Variants in GALNTL6 observed in about 807,000 individuals in gnomAD.
The protein encoded by GALNTL6 is polypeptide N-acetylgalactosaminyltransferase-like 6.
Under a neutral mutation model 73.7 loss-of-function variants are expected in GALNTL6, and 46 were observed. The observed-to-expected ratio is 0.62, with a 90% CI of 0.49 to 0.80. The LOEUF is 0.80. Ranked by LOEUF, GALNTL6 falls within the 30% of genes least tolerant of loss-of-function variation. GALNTL6 has a pLI of 0.00. For synonymous variants in GALNTL6, 259 were observed against 263.7 expected (o/e 0.98, Z 0.17); for missense variants, 604 against 755.0 (o/e 0.80, Z 2.34).
In GALNTL6 at chr4:172,450,047, G is replaced by T. The variant is rs545744555; in HGVS notation, c.553+101358G>T. Among the ~76,000 whole-genome samples the T allele has an allele frequency of 3.3e-5, 5 of 151,950 alleles. No homozygotes were observed. The South Asian group carries it at 8.3e-4, about 25-fold the overall frequency. On this transcript the variant is annotated intron_variant, in intron 5 of 12. Coordinates refer to ENST00000506823, the MANE Select transcript of GALNTL6 (RefSeq NM_001034845.3). ...AACCTGACGAACATGGAGAAACCCT[G>T]TCTCTACTGAAAATACAAAATTAGC...
chr4:172,264,555 AATATAT>A (rs201920170), intron 3 of GALNTL6, among the ~76,000 whole-genome samples: 1,376 of 103,708 alleles, frequency 0.013, 24 homozygotes, highest in South Asian at 0.027. Context: ...ATATATGCCA[AATATAT>A]ATATATATAT....
chr4:172,598,309 G>T (rs1464463845), intron 5 of GALNTL6, among the ~76,000 whole-genome samples: 2 of 152,004 alleles, frequency 1.3e-5, no homozygotes, highest in Non-Finnish European at 2.9e-5. Context: ...TTCTTTAGAA[G>T]TTTGAGGCGA....
chr4:172,568,110 CA>C (rs1415675669), intron 5 of GALNTL6, among the ~76,000 whole-genome samples: 1 of 152,074 alleles, frequency 6.6e-6, no homozygotes, highest in Non-Finnish European at 1.5e-5. Context: ...ATTTTCTGTG[CA>C]TTTTTTGCTC....
At chr4:172,625,401 G>T (rs1739127991) in intron 5 of GALNTL6, among the ~76,000 whole-genome samples, 1 of 151,980 alleles carries the variant, frequency 6.6e-6, no homozygotes, top group South Asian at 2.1e-4. Flanking sequence ...AGTATTCCAT[G>T]CTGTGTATGT....
At chr4:171,872,692 C>T (rs541162293) in intron 2 of GALNTL6, among the ~76,000 whole-genome samples, 2 of 152,134 alleles carry the variant, frequency 1.3e-5, no homozygotes, top group Non-Finnish European at 2.9e-5. Context: ...TATTGTTCTC[C>T]ATCTGTGTGT....
At chr4:173,016,200 C>T (rs902504501) in intron 11 of GALNTL6, among the ~76,000 whole-genome samples, 3 of 152,228 alleles carry the variant, frequency 2.0e-5, no homozygotes, top group Non-Finnish European at 4.4e-5. Flanking sequence ...TCTTGGAGAA[C>T]CTCTGCTAGG....
chr4:172,443,801 A>G (rs554233023), intron 5 of GALNTL6, among the ~76,000 whole-genome samples: 2 of 152,192 alleles, frequency 1.3e-5, no homozygotes, highest in Non-Finnish European at 2.9e-5. Context: ...CTGAAAACCT[A>G]TATATATGGG....
chr4:172,127,825 G>A (rs779897851), intron 2 of GALNTL6, among the ~76,000 whole-genome samples: 1 of 152,018 alleles, frequency 6.6e-6, no homozygotes, highest in Non-Finnish European at 1.5e-5. Flanking sequence ...TCTAAGGTCC[G>A]GGCGTGGTGG....
intron 5 of GALNTL6, among the ~76,000 whole-genome samples, chr4:172,389,502 AAAGTT>A (rs1453213519): frequency 2.0e-5 from 3 of 152,114 alleles, no homozygotes; most frequent in Non-Finnish European, 4.4e-5. Flanking sequence ...AATGTAAATA[AAAGTT>A]AAGTTGAAAA....
At chr4:172,010,224 C>T (rs1324843067) in intron 2 of GALNTL6, among the ~76,000 whole-genome samples, 2 of 152,004 alleles carry the variant, frequency 1.3e-5, no homozygotes, top group Non-Finnish European at 2.9e-5. Flanking sequence ...GCACCAGCTG[C>T]CATTTGAGAC....
intron 2 of GALNTL6, among the ~76,000 whole-genome samples, chr4:172,193,584 C>T (rs1199152536): frequency 1.3e-5 from 2 of 152,022 alleles, no homozygotes; most frequent in Non-Finnish European, 2.9e-5. Flanking sequence ...AATAATTGGC[C>T]GGGCGTGGTG....
intron 2 of GALNTL6, among the ~76,000 whole-genome samples, chr4:171,863,620 T>G (rs1462245342): frequency 6.6e-6 from 1 of 152,134 alleles, no homozygotes; most frequent in Non-Finnish European, 1.5e-5. Flanking sequence ...TGTAAAGGCT[T>G]TACTAGATTA....
intron 2 of GALNTL6, among the ~76,000 whole-genome samples, chr4:171,907,817 A>G (rs559660866): frequency 4.6e-5 from 7 of 151,958 alleles, no homozygotes; most frequent in African/African-American, 1.7e-4. Flanking sequence ...ATGGAACAGA[A>G]CAGAGCCCTC....
chr4:172,516,455 C>T (rs190765410), intron 5 of GALNTL6, among the ~76,000 whole-genome samples: 106 of 152,170 alleles, frequency 7.0e-4, no homozygotes, highest in African/African-American at 2.1e-3. Flanking sequence ...AACCAAAGTT[C>T]CTTTTTATAT....
At chr4:172,283,056 G>A (rs777145315) in intron 3 of GALNTL6, among the ~76,000 whole-genome samples, 2 of 151,998 alleles carry the variant, frequency 1.3e-5, no homozygotes, top group Non-Finnish European at 2.9e-5. Flanking sequence ...TTTAATGAGG[G>A]GCATGTTAAG....
chr4:172,454,498 T>G (rs1174732046), intron 5 of GALNTL6, among the ~76,000 whole-genome samples: 1 of 152,224 alleles, frequency 6.6e-6, no homozygotes, highest in Non-Finnish European at 1.5e-5. Context: ...ACAGAGGCCT[T>G]TGCATCCTTC....
chr4:172,702,824 A>AT (rs1240570432), intron 5 of GALNTL6, among the ~76,000 whole-genome samples: 1 of 130,446 alleles, frequency 7.7e-6, no homozygotes, highest in Non-Finnish European at 1.7e-5. Flanking sequence ...GACACTTTAT[A>AT]GTTTTTTTTG....
chr4:172,083,683 C>T (rs1731947482), intron 2 of GALNTL6, among the ~76,000 whole-genome samples: 1 of 152,130 alleles, frequency 6.6e-6, no homozygotes, highest in African/African-American at 2.4e-5. Flanking sequence ...TTCCTTATCC[C>T]TTTTCTCCTT....
At chr4:172,158,852 G>T (rs1734365704) in intron 2 of GALNTL6, among the ~76,000 whole-genome samples, 1 of 151,992 alleles carries the variant, frequency 6.6e-6, no homozygotes, top group Admixed American at 6.6e-5. Context: ...AAAGAATTTA[G>T]CTTTATATGC....
Sources: gnomAD v4.1 joint callset for allele counts (sites outside exome capture counted in the v4.1 genomes callset) on GRCh38, gnomAD v4.1.1 for gene constraint, MANE v1.5 for transcripts, NCBI Gene and HGNC (gene_info 2026-07-23, HGNC 2026-07-21) for gene names.